The following MPP3 variants were observed in gnomAD, a reference collection of about 807,000 sequenced individuals.
MPP3 encodes the protein MAGUK p55 subfamily member 3.
A neutral mutation model predicts 80.7 loss-of-function variants in MPP3; 48 were observed. The ratio of observed to expected loss-of-function variants is 0.59; its 90% CI spans 0.47 to 0.76. MPP3 has a LOEUF of 0.76. MPP3 is among the 30% of genes least tolerant of loss of function. The pLI is 0.00. For missense variants in MPP3, 620 were observed against 763.0 expected, an observed-to-expected ratio of 0.81 and a Z score of 2.21; for synonymous variants, 311 against 297.6, an observed-to-expected ratio of 1.04 and a Z score of -0.46.
At chr17:43,803,160 C>G (rs879767910) in intron 19 of MPP3, among the ~76,000 whole-genome samples, 1 of 152,100 alleles carries the variant, frequency 6.6e-6, no homozygotes, top group Admixed American at 6.5e-5. Flanking sequence ...TCAACCCCAC[C>G]TTCCCCACTC....
At chr17:43,822,545 C>T (rs1310913364) in intron 10 of MPP3, among the ~76,000 whole-genome samples, 3 of 151,914 alleles carry the variant, frequency 2.0e-5, no homozygotes, top group Non-Finnish European at 2.9e-5. Context: ...CAGGTCTTAA[C>T]GTCTCACCTG....
At chr17:43,813,376 A>G (rs1445414233) in intron 16 of MPP3, among the ~76,000 whole-genome samples, 1 of 152,104 alleles carries the variant, frequency 6.6e-6, no homozygotes, top group Non-Finnish European at 1.5e-5. Context: ...GACGCAGGGC[A>G]CTACACATAA....
intron 5 of MPP3, 78 bp from the exon 6 acceptor site, chr17:43,830,185 AG>A: frequency 9.1e-7 from 1 of 1,094,244 alleles, no homozygotes; most frequent in Non-Finnish European, 1.3e-6. Context: ...CCTCTTTGGA[AG>A]GGCCCACCCA....
At chr17:43,825,097 C>T (rs913712034) in intron 9 of MPP3, 1 of 152,246 alleles carries the variant, frequency 6.6e-6, no homozygotes, top group Admixed American at 6.5e-5. Context: ...AACAGTGGGC[C>T]TCCTCTTTTC....
In MPP3 at chr17:43,810,501, T is replaced by C. The variant is rs1451006701; in HGVS notation, c.1458+306A>G. Among the ~76,000 whole-genome samples, 6 of 152,098 alleles carry C rather than the reference T, an allele frequency of 3.9e-5. No homozygotes were observed. In the East Asian group the frequency reaches 1.2e-3, roughly 30 times the overall value. On this transcript the variant is annotated intron_variant, in intron 18 of 19. Coordinates refer to ENST00000398389, the MANE Select transcript of MPP3 (RefSeq NM_001932.6). ...ACTGACATCTAATTCTCTGGCACAT[T>C]GCAATGGCCAGTCAGCGCCACCAAC...
At chr17:43,805,923 G>C (rs112689474) in intron 19 of MPP3, among the ~76,000 whole-genome samples, 2 of 152,140 alleles carry the variant, frequency 1.3e-5, no homozygotes, top group South Asian at 4.1e-4. Flanking sequence ...TTAAATGTGT[G>C]AATTGTACAG....
intron 11 of MPP3, chr17:43,818,977 C>T (rs1476999037): frequency 1.3e-5 from 2 of 152,084 alleles, no homozygotes; most frequent in African/African-American, 4.8e-5. Flanking sequence ...CCCCCACATC[C>T]TCTGGTAAGA....
intron 5 of MPP3, 105 bp from the exon 6 acceptor site, chr17:43,830,212 G>A: frequency 1.3e-6 from 1 of 749,658 alleles, no homozygotes. Context: ...AGCCCCCAGG[G>A]GCACACCAGA....
chr17:43,827,942 G>C (rs977364502), intron 7 of MPP3, 110 bp from the exon 8 acceptor site: 7 of 978,608 alleles, frequency 7.2e-6, no homozygotes, highest in Non-Finnish European at 1.1e-5. Context: ...ACAGTCCAGA[G>C]AGATCAGTGG....
chr17:43,802,040 C>T (rs753015639), intron 19 of MPP3, among the ~76,000 whole-genome samples, 163 bp from the exon 20 acceptor site: 2 of 152,164 alleles, frequency 1.3e-5, no homozygotes, highest in Non-Finnish European at 2.9e-5. Context: ...AGCATAGGGA[C>T]AACATCATGT....
chr17:43,814,099 AC>A lies in MPP3; in HGVS notation c.1175-9del, dbSNP rs775186407. The A allele has an allele frequency of 8.7e-6, 14 of 1,610,416 alleles. No individual in the cohort carries two copies. In the South Asian group the frequency reaches 1.5e-4, roughly 18 times the overall value. On this transcript the variant is annotated splice_polypyrimidine_tract_variant and intron_variant, in intron 15 of 19. Transcript: ENST00000398389. ...GTCGGGCTCCCAGAGACCCTGGGAA[AC>A]AAGAAGAAGGCTGACCAGGGTCCCT... is the stretch of plus-strand genomic sequence containing the variant.
At chr17:43,820,497 C>T (rs529448110) in intron 11 of MPP3, among the ~76,000 whole-genome samples, 11 of 150,636 alleles carry the variant, frequency 7.3e-5, no homozygotes, top group South Asian at 2.1e-4. Context: ...GAGGCTGAGG[C>T]GGGAGAATTG....
rs762919080 is a variant in MPP3, at chr17:43,820,972, C to T, written c.771G>A (p.Arg257=). The T allele has an allele frequency of 7.4e-6, 12 of 1,613,304 alleles. No homozygotes were observed. The highest frequency in any genetic ancestry group is 1.6e-4 in the Middle Eastern group (1 of 6,068). ...CQEAGLPFQR[R]QVLEVVSQDD... is the part of the protein sequence containing the mutation. ...CCTGGCTCACCACCTCCAGGACCTG[C>T]CTGCGCTGGAAGGGCAGGCCCGCCT... Residue 257 remains arginine (R), a synonymous_variant, in exon 11 of 20, where the codon AGG becomes AGA. Transcript: ENST00000398389.
intron 13 of MPP3, among the ~76,000 whole-genome samples, chr17:43,816,471 G>A (rs2045138914): frequency 6.6e-6 from 1 of 152,228 alleles, no homozygotes; most frequent in Non-Finnish European, 1.5e-5. Flanking sequence ...GGGCAGGGAG[G>A]TGCCCCTAAG....
intron 18 of MPP3, 27 bp downstream of exon 18, chr17:43,810,780 A>T: frequency 6.7e-7 from 1 of 1,496,480 alleles, no homozygotes; most frequent in Non-Finnish European, 9.2e-7. Flanking sequence ...CGTTAACCAG[A>T]AATGGCCAGC....
At position 43,831,926 on chromosome 17, in the gene MPP3, G is replaced by A. The variant is rs1042626856; in HGVS notation, c.-20C>T. On this transcript the variant is annotated 5_prime_UTR_variant, in exon 3 of 20. Coordinates refer to ENST00000398389, the MANE Select transcript of MPP3 (RefSeq NM_001932.6). ...TGGCATGCTGGCGTTGTCACCTCCC[G>A]ACCTCTCCCTGCAGATTCTGGGAGA... The A allele has an allele frequency of 3.7e-6, 6 of 1,611,910 alleles. No homozygotes were observed. Among genetic ancestry groups the A allele is most frequent in the Non-Finnish European group, 5.1e-6 (6 of 1,179,194 alleles).
At chr17:43,806,533 A>T (rs551601004) in intron 19 of MPP3, among the ~76,000 whole-genome samples, 1 of 152,214 alleles carries the variant, frequency 6.6e-6, no homozygotes, top group South Asian at 2.1e-4. Context: ...AATGGAGTAT[A>T]TTGAACTGAG....
intron 16 of MPP3, among the ~76,000 whole-genome samples, chr17:43,812,084 C>G (rs1024413703): frequency 2.6e-5 from 4 of 152,320 alleles, no homozygotes; most frequent in South Asian, 2.1e-4. Context: ...CTATATAGAT[C>G]GGATGTGTTT....
chr17:43,819,938 TTTTTG>T (rs1001475425), intron 11 of MPP3, among the ~76,000 whole-genome samples: 2 of 152,028 alleles, frequency 1.3e-5, no homozygotes, highest in African/African-American at 4.8e-5. Context: ...TTTTTCTGTT[TTTTTG>T]TTTTGTTTTG....
Sources: allele counts gnomAD v4.1 joint callset (sites outside exome capture counted in the v4.1 genomes callset), GRCh38; gene constraint gnomAD v4.1.1; transcripts MANE v1.5; gene names NCBI Gene and HGNC (gene_info 2026-07-23, HGNC 2026-07-21).